ARHGAP10: variants seen among roughly 807,000 people sequenced by gnomAD.
ARHGAP10 encodes rho GTPase-activating protein 10.
Under a neutral mutation model 108.6 loss-of-function variants are expected in ARHGAP10, and 87 were observed. The observed-to-expected ratio is 0.80, with a 90% confidence interval of 0.67 to 0.96. The LOEUF (loss-of-function observed/expected upper bound fraction) is 0.96, where lower values mean the gene tolerates loss of function less well. Ranked by LOEUF, ARHGAP10 falls within the 40% of genes least tolerant of loss-of-function variation. The probability of loss-of-function intolerance (pLI) is 0.00; values close to 1 mark genes in which losing one functional copy is unlikely to be tolerated. For missense variants in ARHGAP10, 939 were observed against 954.5 expected (o/e 0.98, Z 0.21); for synonymous variants, 347 against 341.1 (o/e 1.02, Z -0.19).
intron 20 of ARHGAP10, among the ~76,000 whole-genome samples, chr4:148,061,613 G>GT (rs35503875): frequency 0.012 from 1,733 of 149,342 alleles, 26 homozygotes; most frequent in African/African-American, 0.026. Context: ...GAAGAATAAT[G>GT]TTTTTTTTTT....
intron 19 of ARHGAP10, among the ~76,000 whole-genome samples, chr4:148,025,130 G>C (rs1024870872): frequency 1.3e-5 from 2 of 152,184 alleles, no homozygotes; most frequent in Non-Finnish European, 2.9e-5. Context: ...TTCTGTAGTG[G>C]TATTTAGCAT....
intron 13 of ARHGAP10, among the ~76,000 whole-genome samples, chr4:147,935,349 G>A (rs545410436): frequency 6.6e-6 from 1 of 152,296 alleles, no homozygotes; most frequent in East Asian, 1.9e-4. Context: ...TAAAAAGATA[G>A]AAGACAGTGT....
chr4:147,772,243 T>C (rs1186198149), intron 1 of ARHGAP10, among the ~76,000 whole-genome samples: 1 of 152,226 alleles, frequency 6.6e-6, no homozygotes, highest in African/African-American at 2.4e-5. Flanking sequence ...GAGACTTCTC[T>C]AGATAAGAGC....
intron 1 of ARHGAP10, among the ~76,000 whole-genome samples, chr4:147,740,500 A>T (rs1355458025): frequency 6.6e-6 from 1 of 152,136 alleles, no homozygotes; most frequent in Non-Finnish European, 1.5e-5. Context: ...TAGTTAGGAT[A>T]TTCTTTTTAC....
At chr4:147,793,658 C>T (rs1256852694) in intron 1 of ARHGAP10, among the ~76,000 whole-genome samples, 2 of 152,302 alleles carry the variant, frequency 1.3e-5, no homozygotes, top group East Asian at 3.9e-4. Flanking sequence ...TCTGAGGCTT[C>T]ATGTGTATAC....
intron 3 of ARHGAP10, among the ~76,000 whole-genome samples, chr4:147,824,552 C>G (rs541152813): frequency 6.6e-6 from 1 of 152,142 alleles, no homozygotes; most frequent in African/African-American, 2.4e-5. Flanking sequence ...GTTTAATTGA[C>G]TCACAGTTCC....
chr4:147,871,924 G>C (rs1734839629), intron 7 of ARHGAP10, among the ~76,000 whole-genome samples: 1 of 151,998 alleles, frequency 6.6e-6, no homozygotes, highest in African/African-American at 2.4e-5. Flanking sequence ...AATGTAGTGA[G>C]ACCCTGTCTC....
chr4:147,863,540 G>T (rs1180706185), intron 5 of ARHGAP10: 1 of 152,156 alleles, frequency 6.6e-6, no homozygotes, highest in Non-Finnish European at 1.5e-5. Context: ...CTGCTGCTAT[G>T]AACAGGGGTG....
intron 13 of ARHGAP10, among the ~76,000 whole-genome samples, chr4:147,934,472 G>A (rs955609629): frequency 2.6e-5 from 4 of 152,194 alleles, no homozygotes; most frequent in African/African-American, 9.6e-5. Context: ...CCACCATCTT[G>A]GTGATGCCAC....
In ARHGAP10 at chr4:147,875,065, C is replaced by T. The variant is rs1735003539; in HGVS notation, c.747C>T (p.Leu249=). ...FEGTRSEVEE[L]MNKIRQNPKD... is the part of the protein sequence containing the mutation. ...GAACAAGGTCAGAAGTGGAAGAGCT[C>T]ATGAACAAAATCAGACAGAATCCCA... The change falls in exon 8 of 23, where the codon CTC becomes CTT. Residue 249 remains leucine, a synonymous_variant. Coordinates refer to ENST00000336498, the MANE Select transcript of ARHGAP10 (RefSeq NM_024605.4). 1 of 1,609,060 alleles carries T rather than the reference C, an allele frequency of 6.2e-7. No homozygotes were observed. Among genetic ancestry groups the T allele is most frequent in the African/African-American group, 1.3e-5 (1 of 74,756 alleles).
intron 20 of ARHGAP10, among the ~76,000 whole-genome samples, chr4:148,062,274 C>CT (rs1364249845): frequency 1.3e-5 from 2 of 152,284 alleles, no homozygotes; most frequent in African/African-American, 4.8e-5. Flanking sequence ...GGGAAACAAT[C>CT]TGAGAGCATG....
chr4:147,844,791 C>T (rs930078077), intron 3 of ARHGAP10, among the ~76,000 whole-genome samples: 3 of 152,198 alleles, frequency 2.0e-5, no homozygotes, highest in African/African-American at 4.8e-5. Context: ...GCCATCTCTT[C>T]GTGTACCACT....
chr4:147,802,672 C>T (rs753266028), intron 1 of ARHGAP10, among the ~76,000 whole-genome samples: 4 of 152,240 alleles, frequency 2.6e-5, no homozygotes, highest in African/African-American at 4.8e-5. Flanking sequence ...CCTGTAACTT[C>T]TACTTACACT....
chr4:148,049,775 C>G (rs1161634729), intron 20 of ARHGAP10, among the ~76,000 whole-genome samples: 1 of 149,274 alleles, frequency 6.7e-6, no homozygotes, highest in Non-Finnish European at 1.5e-5. Flanking sequence ...TTCCCTTACC[C>G]CAAGCTAGAT....
intron 18 of ARHGAP10, among the ~76,000 whole-genome samples, chr4:147,967,151 T>C (rs1032641959): frequency 6.6e-6 from 1 of 152,242 alleles, no homozygotes; most frequent in Non-Finnish European, 1.5e-5. Flanking sequence ...ATCTTTGGAT[T>C]TCTCACTCAA....
chr4:148,050,592 C>G (rs971819637), intron 20 of ARHGAP10, among the ~76,000 whole-genome samples: 106 of 152,020 alleles, frequency 7.0e-4, no homozygotes, highest in African/African-American at 2.3e-3. Flanking sequence ...CCAGGATGGT[C>G]TCGATCTCCT....
chr4:147,883,666 C>T (rs918193020), intron 10 of ARHGAP10, among the ~76,000 whole-genome samples: 5 of 152,090 alleles, frequency 3.3e-5, no homozygotes, highest in Admixed American at 6.6e-5. Flanking sequence ...GCATTCTCCT[C>T]CTAGAGCCCC....
intron 17 of ARHGAP10, among the ~76,000 whole-genome samples, chr4:147,966,386 G>T (rs1002687014): frequency 6.6e-6 from 1 of 152,138 alleles, no homozygotes; most frequent in Non-Finnish European, 1.5e-5. Context: ...AGACTTTGGT[G>T]TCTGTAGGGA....
At chr4:147,998,996 A>AT (rs1185559956) in intron 18 of ARHGAP10, among the ~76,000 whole-genome samples, 2 of 152,234 alleles carry the variant, frequency 1.3e-5, no homozygotes, top group Non-Finnish European at 1.5e-5. Context: ...ATTTTGCACT[A>AT]TCCACAGATA....
Sources: allele counts gnomAD v4.1 joint callset (sites outside exome capture counted in the v4.1 genomes callset), GRCh38; gene constraint gnomAD v4.1.1; transcripts MANE v1.5; gene names NCBI Gene and HGNC (gene_info 2026-07-23, HGNC 2026-07-21).